LANCL3: variants seen among roughly 807,000 people sequenced by gnomAD.
LANCL3 encodes lanC-like protein 3.
A neutral mutation model predicts 26.5 loss-of-function variants in LANCL3; 19 were observed. The ratio of observed to expected loss-of-function variants is 0.72; its 90% CI spans 0.50 to 1.05. The LOEUF is 1.05. Among genes scored for constraint, LANCL3 ranks in the 50% least tolerant of loss-of-function variants. The probability of loss-of-function intolerance (pLI) is 0.00; values close to 1 mark genes in which losing one functional copy is unlikely to be tolerated. For synonymous variants in LANCL3, 160 were observed against 166.6 expected, an observed-to-expected ratio of 0.96 and a Z score of 0.30; for missense variants, 318 against 362.7, an observed-to-expected ratio of 0.88 and a Z score of 1.00.
intron 1 of LANCL3, among the ~76,000 whole-genome samples, chrX:37,576,767 G>T (rs146841039): frequency 3.3e-4 from 37 of 112,063 alleles, no homozygotes; most frequent in Non-Finnish European, 7.5e-5. Context: ...GGTGGCAAAG[G>T]GGAGGGCTGC....
At chrX:37,621,161 A>T (rs1925147364) in intron 1 of LANCL3, among the ~76,000 whole-genome samples, 1 of 112,166 alleles carries the variant, frequency 8.9e-6, no homozygotes, top group Non-Finnish European at 1.9e-5. Flanking sequence ...CAGTAACAAG[A>T]TACTTTGTCC....
intron 1 of LANCL3, among the ~76,000 whole-genome samples, chrX:37,652,542 A>G (rs1926178742): frequency 8.9e-6 from 1 of 112,629 alleles, no homozygotes. Flanking sequence ...TTTTAATTCA[A>G]TGTAAAAAGA....
intron 3 of LANCL3, among the ~76,000 whole-genome samples, chrX:37,661,203 G>C (rs1926414553): frequency 8.9e-6 from 1 of 111,821 alleles, no homozygotes; most frequent in Admixed American, 9.5e-5. Context: ...CAATGTGCTA[G>C]TAATAGTCCT....
intron 1 of LANCL3, among the ~76,000 whole-genome samples, chrX:37,575,102 C>T (rs6520610): frequency 0.2 from 21,252 of 106,549 alleles, 3,913 homozygotes; most frequent in African/African-American, 0.56. Context: ...ATTTTTTGTA[C>T]TTTTTGTAGA....
intron 1 of LANCL3, among the ~76,000 whole-genome samples, chrX:37,577,732 C>T (rs1401843989): frequency 9.0e-6 from 1 of 111,613 alleles, no homozygotes; most frequent in African/African-American, 3.3e-5. Context: ...TAACAGAAAA[C>T]CTAAGGTAAT....
intron 1 of LANCL3, among the ~76,000 whole-genome samples, chrX:37,630,775 C>G (rs1925474307): frequency 9.1e-6 from 1 of 110,094 alleles, no homozygotes; most frequent in South Asian, 3.9e-4. Context: ...GTATATTGAA[C>G]CAGCCTTGCA....
At chrX:37,652,560 C>T (rs1556429453) in intron 1 of LANCL3, among the ~76,000 whole-genome samples, 1 of 112,611 alleles carries the variant, frequency 8.9e-6, no homozygotes, top group Non-Finnish European at 1.9e-5. Flanking sequence ...AGAAAAGAAT[C>T]TATTCCATCC....
chrX:37,628,715 G>T (rs1925390034), intron 1 of LANCL3, among the ~76,000 whole-genome samples: 1 of 104,639 alleles, frequency 9.6e-6, no homozygotes, highest in African/African-American at 3.5e-5. Context: ...TTTTGTCCCT[G>T]CGATAGTTTA....
chrX:37,661,000 T>G (rs1363252341), intron 3 of LANCL3, among the ~76,000 whole-genome samples: 1 of 88,151 alleles, frequency 1.1e-5, no homozygotes, highest in Non-Finnish European at 2.0e-5. Flanking sequence ...TTGACCTTTT[T>G]TGTGGGCGGG....
At chrX:37,613,436 C>T (rs1924933047) in intron 1 of LANCL3, among the ~76,000 whole-genome samples, 1 of 110,381 alleles carries the variant, frequency 9.1e-6, no homozygotes, top group Non-Finnish European at 1.9e-5. Flanking sequence ...TAAAGTGCAC[C>T]CATCTTAAGT....
intron 1 of LANCL3, among the ~76,000 whole-genome samples, chrX:37,615,179 A>C (rs1556421581): frequency 1.8e-5 from 2 of 111,451 alleles, no homozygotes; most frequent in African/African-American, 6.5e-5. Flanking sequence ...GTGCTTCTAA[A>C]ATTTTAATGC....
chrX:37,601,929 G>A (rs976303059), intron 1 of LANCL3, among the ~76,000 whole-genome samples: 41 of 111,930 alleles, frequency 3.7e-4, no homozygotes, highest in African/African-American at 1.3e-3. Context: ...AAGAAAGAAG[G>A]GAGAGATTGC....
chrX:37,626,150 T>TTC (rs1556423000), intron 1 of LANCL3, among the ~76,000 whole-genome samples: 2 of 112,373 alleles, frequency 1.8e-5, no homozygotes, highest in African/African-American at 6.5e-5. Context: ...ATCTTCTCAC[T>TTC]TCTCACGCTT....
At chrX:37,659,411 A>G in intron 2 of LANCL3, 51 bp from the exon 3 acceptor site, 1 of 954,960 alleles carries the variant, frequency 1.0e-6, no homozygotes, top group Non-Finnish European at 1.5e-6. Context: ...ACTAAATCAA[A>G]CTAGCTGTCC....
intron 1 of LANCL3, among the ~76,000 whole-genome samples, chrX:37,614,454 C>G (rs1556421510): frequency 8.9e-6 from 1 of 112,073 alleles, no homozygotes; most frequent in East Asian, 2.8e-4. Flanking sequence ...ACTTCTTTCC[C>G]CCGGCATCAG....
chrX:37,631,909 T>C (rs1310728043), intron 1 of LANCL3, among the ~76,000 whole-genome samples: 1 of 110,602 alleles, frequency 9.0e-6, no homozygotes, highest in East Asian at 2.8e-4. Flanking sequence ...GGTGTGGTGC[T>C]GAAAAAAAAT....
intron 2 of LANCL3, among the ~76,000 whole-genome samples, chrX:37,656,177 A>G (rs1375168210): frequency 9.1e-6 from 1 of 110,282 alleles, no homozygotes; most frequent in Non-Finnish European, 1.9e-5. Context: ...AACGTTTTGA[A>G]GTTTTTAATA....
chrX:37,573,039 G>T (rs1923648886), intron 1 of LANCL3, among the ~76,000 whole-genome samples: 1 of 112,352 alleles, frequency 8.9e-6, no homozygotes, highest in African/African-American at 3.2e-5. Context: ...AAACGTACCC[G>T]GAAATGTACC....
At chrX:37,648,377 C>G (rs1383264532) in intron 1 of LANCL3, among the ~76,000 whole-genome samples, 2 of 111,897 alleles carry the variant, frequency 1.8e-5, no homozygotes, top group Non-Finnish European at 3.8e-5. Context: ...ATCTGGTGAT[C>G]TTTTTAAAAT....
Sources: gnomAD v4.1 joint callset for allele counts (sites outside exome capture counted in the v4.1 genomes callset) on GRCh38, gnomAD v4.1.1 for gene constraint, MANE v1.5 for transcripts, NCBI Gene and HGNC (gene_info 2026-07-23, HGNC 2026-07-21) for gene names.